Variants in FA2H observed in about 807,000 individuals in gnomAD.
The protein encoded by FA2H is fatty acid alpha-hydroxylase.
In FA2H, 22 loss-of-function variants were observed where a neutral mutation model predicts 44.9. That is an observed-to-expected ratio of 0.49 (90% CI 0.35 to 0.70). The LOEUF (loss-of-function observed/expected upper bound fraction) is 0.70, where lower values mean the gene tolerates loss of function less well. Among genes scored for constraint, FA2H ranks in the 30% least tolerant of loss-of-function variants. The pLI is 0.01. For missense variants in FA2H, 501 were observed against 504.9 expected, an observed-to-expected ratio of 0.99 and a Z score of 0.07; for synonymous variants, 243 against 213.2, an observed-to-expected ratio of 1.14 and a Z score of -1.22.
chr16:74,752,498 G>C (rs1962544568), intron 1 of FA2H, among the ~76,000 whole-genome samples: 1 of 152,120 alleles, frequency 6.6e-6, no homozygotes, highest in Non-Finnish European at 1.5e-5. Context: ...TGCACCTGCT[G>C]TTCCCTCTGC....
intron 6 of FA2H, among the ~76,000 whole-genome samples, chr16:74,715,158 G>A (rs1961665980): frequency 1.3e-5 from 2 of 151,992 alleles, no homozygotes; most frequent in African/African-American, 4.8e-5. Context: ...GTGAACTACT[G>A]TTTGCAAATT....
rs191685448 is a variant in FA2H at position 74,760,393 on chromosome 16, A to G, written c.270+14093T>C. Among the ~76,000 whole-genome samples the G allele has an allele frequency of 9.5e-4, 145 of 152,356 alleles. 1 individual carries two copies. Among genetic ancestry groups the G allele is most frequent in the African/African-American group, 3.1e-3 (128 of 41,590 alleles). Reference sequence around the variant, plus strand: ...TCTAAATTAAAGACTTTGGGATACAACTGCAGCAACCAGGCATTTCCTAAG... The same window carrying G: ...TCTAAATTAAAGACTTTGGGATACAGCTGCAGCAACCAGGCATTTCCTAAG... On this transcript the variant is annotated intron_variant, in intron 1 of 6. Coordinates refer to ENST00000219368, the MANE Select transcript of FA2H (RefSeq NM_024306.5).
intron 3 of FA2H, 54 bp from the exon 4 acceptor site, chr16:74,726,385 T>C: frequency 8.9e-7 from 1 of 1,124,204 alleles, no homozygotes; most frequent in South Asian, 1.3e-5. Flanking sequence ...CTTGACAGAG[T>C]ACAGCTTTCT....
At chr16:74,736,383 C>T (rs1219044967) in intron 2 of FA2H, among the ~76,000 whole-genome samples, 4 of 152,188 alleles carry the variant, frequency 2.6e-5, no homozygotes, top group Non-Finnish European at 4.4e-5. Context: ...AGAGCCAGGC[C>T]AGTGCCCACA....
At chr16:74,762,638 T>C (rs2144660136) in intron 1 of FA2H, among the ~76,000 whole-genome samples, 1 of 152,236 alleles carries the variant, frequency 6.6e-6, no homozygotes, top group Admixed American at 6.5e-5. Context: ...TCAAGAATTT[T>C]CCTGCTTCAG....
chr16:74,731,163 T>A (rs929005186), intron 2 of FA2H, among the ~76,000 whole-genome samples: 56 of 152,186 alleles, frequency 3.7e-4, no homozygotes, highest in Non-Finnish European at 7.1e-4. Context: ...GCCATTTTTT[T>A]TTTTTTTTTG....
chr16:74,765,098 T>G lies in FA2H; in HGVS notation c.270+9388A>C, dbSNP rs533042026. The stretch of plus-strand genomic sequence containing the variant: ...AAATGAGTGACTTGCTTGATGGTTC[T>G]CCATCCTTTCCATCAACTCCCAACC... On this transcript the variant is annotated intron_variant, in intron 1 of 6. Coordinates refer to ENST00000219368, the MANE Select transcript of FA2H (RefSeq NM_024306.5). 7.9e-5 allele frequency among the ~76,000 whole-genome samples: 12 copies of G among 152,054 alleles called. No homozygotes were observed. In the South Asian group the frequency reaches 1.9e-3, roughly 24 times the overall value.
intron 1 of FA2H, among the ~76,000 whole-genome samples, chr16:74,770,591 G>A (rs1451969866): frequency 3.3e-5 from 5 of 152,086 alleles, no homozygotes; most frequent in Non-Finnish European, 7.4e-5. Context: ...GGCTGGTCTC[G>A]AACTCCTGGG....
intron 1 of FA2H, among the ~76,000 whole-genome samples, chr16:74,748,517 A>G (rs936534909): frequency 6.6e-6 from 1 of 152,058 alleles, no homozygotes; most frequent in African/African-American, 2.4e-5. Flanking sequence ...AGCACACAGC[A>G]GCCCACTCCG....
chr16:74,769,251 C>A (rs930128837), intron 1 of FA2H, among the ~76,000 whole-genome samples: 14 of 152,058 alleles, frequency 9.2e-5, no homozygotes, highest in African/African-American at 3.4e-4. Context: ...TGCCACCATG[C>A]CTGGCTAATT....
At chr16:74,727,581 G>A (rs1000130119) in intron 2 of FA2H, among the ~76,000 whole-genome samples, 195 bp from the exon 3 acceptor site, 1 of 152,192 alleles carries the variant, frequency 6.6e-6, no homozygotes, top group Non-Finnish European at 1.5e-5. Flanking sequence ...ACAGCAATAG[G>A]ATCCGGTAAA....
intron 1 of FA2H, among the ~76,000 whole-genome samples, chr16:74,751,965 A>T (rs908242910): frequency 5.9e-5 from 9 of 152,164 alleles, no homozygotes; most frequent in African/African-American, 2.2e-4. Context: ...TATCCCAAAC[A>T]TGGACACCCA....
intron 1 of FA2H, among the ~76,000 whole-genome samples, chr16:74,755,037 C>T (rs1017321618): frequency 6.6e-6 from 1 of 152,206 alleles, no homozygotes; most frequent in African/African-American, 2.4e-5. Flanking sequence ...ACAGCAGCCC[C>T]CCTAGAAGCC....
intron 6 of FA2H, among the ~76,000 whole-genome samples, chr16:74,714,834 A>ATTT (rs528963288): frequency 2.2e-5 from 3 of 137,888 alleles, no homozygotes; most frequent in Non-Finnish European, 4.7e-5. Context: ...AGTTACTGGA[A>ATTT]TTTTTTTTTT....
At chr16:74,717,195 C>G (rs1341652003) in intron 5 of FA2H, 1 of 152,600 alleles carries the variant, frequency 6.6e-6, no homozygotes, top group Non-Finnish European at 1.5e-5. Context: ...CACCGTGGCC[C>G]TCGAGCTTCA....
chr16:74,761,457 AAAAAGAAAGAAAG>A (rs2144658821), intron 1 of FA2H, among the ~76,000 whole-genome samples: 1 of 92,246 alleles, frequency 1.1e-5, no homozygotes, highest in African/African-American at 4.4e-5. Context: ...TGTCTCAAAA[AAAAAGAAAGAAAG>A]AAAGAAAGAA....
At chr16:74,762,622 C>G (rs534204153) in intron 1 of FA2H, among the ~76,000 whole-genome samples, 7 of 152,274 alleles carry the variant, frequency 4.6e-5, no homozygotes, top group Non-Finnish European at 1.0e-4. Context: ...CCTCCGCCTC[C>G]CTGGTTCAAG....
chr16:74,766,651 G>A (rs559407766), intron 1 of FA2H, among the ~76,000 whole-genome samples: 56 of 151,578 alleles, frequency 3.7e-4, no homozygotes, highest in Non-Finnish European at 7.8e-4. Flanking sequence ...AAGGGGGGGG[G>A]CTCCTGAAGA....
At chr16:74,739,062 A>C (rs1419968998) in intron 2 of FA2H, among the ~76,000 whole-genome samples, 1 of 152,218 alleles carries the variant, frequency 6.6e-6, no homozygotes, top group Non-Finnish European at 1.5e-5. Flanking sequence ...CCCAGCAGAC[A>C]GTCAGCTTTG....
Sources: allele counts gnomAD v4.1 joint callset (sites outside exome capture counted in the v4.1 genomes callset), GRCh38; gene constraint gnomAD v4.1.1; transcripts MANE v1.5; gene names NCBI Gene and HGNC (gene_info 2026-07-23, HGNC 2026-07-21).